TP63: variants seen among roughly 807,000 people sequenced by gnomAD.
TP63 encodes tumor protein p63, also known as tumor protein 63.
Under a neutral mutation model 82.8 loss-of-function variants are expected in TP63, and 17 were observed. That is an observed-to-expected ratio of 0.21 (90% CI 0.14 to 0.31). The LOEUF (loss-of-function observed/expected upper bound fraction) is 0.31, where lower values mean the gene tolerates loss of function less well. Ranked by LOEUF, TP63 falls within the 10% of genes least tolerant of loss-of-function variation. The pLI is 1.00. For synonymous variants in TP63, 330 were observed against 321.7 expected, an observed-to-expected ratio of 1.03 and a Z score of -0.28; for missense variants, 648 against 895.3, an observed-to-expected ratio of 0.72 and a Z score of 3.52.
At chr3:189,603,788 A>G in the TP63 span, among the ~76,000 whole-genome samples, 1 of 151,932 alleles carries the variant, frequency 6.6e-6, no homozygotes, top group African/African-American at 2.4e-5. Context: ...TAAGAAAAGT[A>G]TATACATCCC....
chr3:189,664,455 T>C (rs985940480), intron 1 of TP63, among the ~76,000 whole-genome samples: 1 of 152,156 alleles, frequency 6.6e-6, no homozygotes, highest in Non-Finnish European at 1.5e-5. Flanking sequence ...AAGATAATGC[T>C]CTGTGATGCA....
Position 189,737,591 on chromosome 3 carries a change from A to T in TP63, c.63-149A>T, listed in dbSNP as rs76313891. 3.0e-6 allele frequency: 3 copies of T among 996,888 alleles called. No homozygotes were observed. The African/African-American group carries it at 4.9e-5, about 16-fold the overall frequency. The allele number at this position is 996,888 out of a possible 1,614,324, so 61.8% of individuals were successfully genotyped here. A position where few individuals can be genotyped will look rare whatever the true frequency, so the allele number is the denominator to read the frequency against. On this transcript the variant is annotated intron_variant, in intron 1 of 13. Transcript: ENST00000264731. ...CATTACACTACCTGAAGAAATGCCA[A>T]TTGTGCAACTTGTAACATGTGCTAC...
At chr3:189,631,808 TA>T (rs1056784307) in intron 1 of TP63, among the ~76,000 whole-genome samples, 5 of 152,006 alleles carry the variant, frequency 3.3e-5, no homozygotes, top group African/African-American at 4.8e-5. Context: ...TCTTCCCATT[TA>T]AAAAAAATTA....
At chr3:189,876,045 A>G (rs1284380901) in intron 10 of TP63, among the ~76,000 whole-genome samples, 2 of 152,138 alleles carry the variant, frequency 1.3e-5, no homozygotes, top group African/African-American at 2.4e-5. Context: ...CTGCCTTCCC[A>G]TGGTCTACAA....
chr3:189,817,069 G>A (rs535955781), intron 4 of TP63, among the ~76,000 whole-genome samples: 14 of 151,810 alleles, frequency 9.2e-5, no homozygotes, highest in Non-Finnish European at 7.4e-5. Flanking sequence ...AAACAGAGCA[G>A]GGACCTTAAT....
At chr3:189,778,620 C>G (rs1485592001) in intron 3 of TP63, among the ~76,000 whole-genome samples, 1 of 152,084 alleles carries the variant, frequency 6.6e-6, no homozygotes. Flanking sequence ...ATTATTGTTG[C>G]TAAATAGGAA....
chr3:189,671,226 AT>A (rs1179916516), intron 1 of TP63, among the ~76,000 whole-genome samples: 1 of 152,114 alleles, frequency 6.6e-6, no homozygotes, highest in Non-Finnish European at 1.5e-5. Context: ...TGGGCAAGGG[AT>A]TTGGATAAAC....
At chr3:189,616,069 A>C in the TP63 span, among the ~76,000 whole-genome samples, 9 of 152,230 alleles carry the variant, frequency 5.9e-5, no homozygotes, top group Non-Finnish European at 1.0e-4. Flanking sequence ...AATCAGCATC[A>C]GACAAGGTCT....
chr3:189,855,664 G>A (rs527570922), intron 4 of TP63, among the ~76,000 whole-genome samples: 14 of 151,870 alleles, frequency 9.2e-5, no homozygotes, highest in African/African-American at 2.7e-4. Flanking sequence ...AAAGAATACC[G>A]TCTTTGTATT....
At chr3:189,831,897 TCTCGGCTCA>T (rs1450212946) in intron 4 of TP63, among the ~76,000 whole-genome samples, 1 of 143,592 alleles carries the variant, frequency 7.0e-6, no homozygotes, top group Non-Finnish European at 1.5e-5. Flanking sequence ...TGGCGTGATA[TCTCGGCTCA>T]CTGCAACCTC....
rs184606902 is a variant in TP63, at chr3:189,809,297, G to A, written c.579+771G>A. On this transcript the variant is annotated intron_variant, in intron 4 of 13. Transcript: ENST00000264731. The stretch of plus-strand genomic sequence containing the variant: ...AGGAAGATACAAGAATTAGTCCAAA[G>A]AAATTGTTTTAAAAAATCTTTCTGT... 1.3e-3 allele frequency among the ~76,000 whole-genome samples: 192 copies of A among 152,168 alleles called. 2 individuals are homozygous for A. The highest frequency in any genetic ancestry group is 4.4e-3 in the African/African-American group (182 of 41,512).
intron 1 of TP63, among the ~76,000 whole-genome samples, chr3:189,703,343 AGG>A (rs2108743149): frequency 6.6e-6 from 1 of 152,260 alleles, no homozygotes; most frequent in Admixed American, 6.5e-5. Context: ...CTGAGGCAGG[AGG>A]AGACTGGGAG....
chr3:189,888,217 C>G lies in TP63; in HGVS notation c.1508-1123C>G, dbSNP rs144812636. Reference sequence around the variant, plus strand: ...TGTTTGCAATGGTTGCCTGTTATGGCAAACGTAGACTTTAGAGTGAGATCA... The same window carrying G: ...TGTTTGCAATGGTTGCCTGTTATGGGAAACGTAGACTTTAGAGTGAGATCA... On this transcript the variant is annotated intron_variant, in intron 11 of 13. Coordinates refer to ENST00000264731, the MANE Select transcript of TP63 (RefSeq NM_003722.5). Among the ~76,000 whole-genome samples the G allele has an allele frequency of 1.1e-4, 16 of 152,244 alleles. No homozygotes were observed. The East Asian group carries it at 3.1e-3, about 29-fold the overall frequency.
chr3:189,628,398 A>T (rs1308796714), upstream of TP63, among the ~76,000 whole-genome samples: 1 of 152,156 alleles, frequency 6.6e-6, no homozygotes, highest in Admixed American at 6.5e-5. Context: ...TGTAAGTGAG[A>T]AGAATTTGTA....
the TP63 span, among the ~76,000 whole-genome samples, chr3:189,603,228 C>A: frequency 6.6e-6 from 1 of 152,122 alleles, no homozygotes; most frequent in African/African-American, 2.4e-5. Flanking sequence ...GTGGAACCAG[C>A]AATGGGCTCA....
chr3:189,784,379 GTAAT>G (rs1203798426), intron 3 of TP63, among the ~76,000 whole-genome samples: 1 of 152,062 alleles, frequency 6.6e-6, no homozygotes, highest in African/African-American at 2.4e-5. Context: ...ATATTAAGAT[GTAAT>G]TAAACAATGA....
At chr3:189,855,352 G>T (rs1275970486) in intron 4 of TP63, among the ~76,000 whole-genome samples, 1 of 152,034 alleles carries the variant, frequency 6.6e-6, no homozygotes, top group Non-Finnish European at 1.5e-5. Flanking sequence ...AAAATAAGCA[G>T]CTTACTTAAT....
At chr3:189,599,494 A>T in the TP63 span, among the ~76,000 whole-genome samples, 1 of 152,210 alleles carries the variant, frequency 6.6e-6, no homozygotes, top group Non-Finnish European at 1.5e-5. Flanking sequence ...CAATAAAATA[A>T]TGAATTAATA....
chr3:189,839,251 G>T (rs1479882206), intron 4 of TP63, among the ~76,000 whole-genome samples: 1 of 152,070 alleles, frequency 6.6e-6, no homozygotes, highest in Non-Finnish European at 1.5e-5. Context: ...AACAATTATT[G>T]TCGGCACTCT....
Sources: gnomAD v4.1 joint callset for allele counts (sites outside exome capture counted in the v4.1 genomes callset) on GRCh38, gnomAD v4.1.1 for gene constraint, MANE v1.5 for transcripts, NCBI Gene and HGNC (gene_info 2026-07-23, HGNC 2026-07-21) for gene names.